Variants in CNTNAP2 observed in about 807,000 individuals in gnomAD.
The protein encoded by CNTNAP2 is contactin associated protein 2.
A neutral mutation model predicts 155.2 loss-of-function variants in CNTNAP2; 98 were observed. The ratio of observed to expected loss-of-function variants is 0.63; its 90% confidence interval spans 0.54 to 0.75. The LOEUF (loss-of-function observed/expected upper bound fraction) is 0.75, where lower values mean the gene tolerates loss of function less well. Ranked by LOEUF, CNTNAP2 falls within the 30% of genes least tolerant of loss-of-function variation. The pLI, the probability that CNTNAP2 is intolerant of heterozygous loss-of-function variation, is 0.00. For synonymous variants in CNTNAP2, 651 were observed against 631.2 expected (o/e 1.03, Z -0.47); for missense variants, 1,727 against 1,688.1 (o/e 1.02, Z -0.40).
intron 12 of CNTNAP2, among the ~76,000 whole-genome samples, chr7:147,624,431 T>A (rs76815110): frequency 0.09 from 13,687 of 151,992 alleles, 1,714 homozygotes; most frequent in African/African-American, 0.26. Flanking sequence ...TAATAATATG[T>A]TTCAATAATT....
intron 13 of CNTNAP2, among the ~76,000 whole-genome samples, chr7:147,890,489 G>A (rs1799671792): frequency 6.6e-6 from 1 of 152,166 alleles, no homozygotes; most frequent in African/African-American, 2.4e-5. Context: ...CTCTCTACCT[G>A]CTATGTATTT....
intron 5 of CNTNAP2, among the ~76,000 whole-genome samples, chr7:147,112,561 TGA>T (rs1171405748): frequency 4.6e-5 from 7 of 152,180 alleles, no homozygotes; most frequent in African/African-American, 1.2e-4. Context: ...CCTAGTTAAC[TGA>T]GAGTTTTTAA....
At chr7:146,277,411 C>G (rs539456933) in intron 1 of CNTNAP2, among the ~76,000 whole-genome samples, 1 of 152,246 alleles carries the variant, frequency 6.6e-6, no homozygotes, top group South Asian at 2.1e-4. Context: ...GAACAAGGAA[C>G]TGAATAAACA....
At position 148,031,903 on chromosome 7, in the gene CNTNAP2, A is replaced by G. The variant is rs572230485; in HGVS notation, c.2383+53914A>G. 4.7e-4 allele frequency among the ~76,000 whole-genome samples: 72 copies of G among 152,238 alleles called. No homozygotes were observed. In the South Asian group the frequency reaches 0.011, roughly 23 times the overall value. On this transcript the variant is annotated intron_variant, in intron 15 of 23. Transcript: ENST00000361727. ...TATCACAATAAATTCTCATTCCCTA[A>G]GGCTATGTCACTCCCTAGAACTAAG...
intron 21 of CNTNAP2, among the ~76,000 whole-genome samples, chr7:148,318,771 C>T (rs1464698771): frequency 1.3e-5 from 2 of 152,210 alleles, no homozygotes; most frequent in Admixed American, 1.3e-4. Context: ...AACCAACCGG[C>T]TCTTGAGTTT....
intron 13 of CNTNAP2, among the ~76,000 whole-genome samples, chr7:147,842,630 T>G (rs1396147954): frequency 1.8e-5 from 2 of 109,350 alleles, no homozygotes; most frequent in East Asian, 5.4e-4. Context: ...TTAGGGTACA[T>G]GTGCACATTG....
chr7:147,859,436 AAAAAC>A (rs201637443), intron 13 of CNTNAP2, among the ~76,000 whole-genome samples: 7,438 of 151,482 alleles, frequency 0.049, 210 homozygotes, highest in Middle Eastern at 0.061. Flanking sequence ...AAAAAAAAAA[AAAAAC>A]ATGTCATATT....
chr7:147,397,086 A>G (rs1170214176), intron 10 of CNTNAP2, among the ~76,000 whole-genome samples: 1 of 152,082 alleles, frequency 6.6e-6, no homozygotes, highest in Non-Finnish European at 1.5e-5. Context: ...TGGTGGCTGT[A>G]AGATAGAACT....
chr7:146,520,461 T>C (rs1170175474), intron 1 of CNTNAP2, among the ~76,000 whole-genome samples: 1 of 151,472 alleles, frequency 6.6e-6, no homozygotes, highest in Non-Finnish European at 1.5e-5. Context: ...CTGAATTAAA[T>C]TGAATGAATG....
intron 12 of CNTNAP2, among the ~76,000 whole-genome samples, chr7:147,622,162 G>C (rs1794871218): frequency 2.0e-5 from 3 of 151,922 alleles, no homozygotes; most frequent in Admixed American, 6.6e-5. Flanking sequence ...GCTAAAGAGA[G>C]AGATGGGCCC....
chr7:146,621,794 T>C (rs111696055), intron 1 of CNTNAP2, among the ~76,000 whole-genome samples: 4 of 152,308 alleles, frequency 2.6e-5, no homozygotes, highest in African/African-American at 9.6e-5. Flanking sequence ...GAAGTCCCTA[T>C]GTGCAGTTCA....
chr7:147,814,797 G>T (rs851663), intron 13 of CNTNAP2, among the ~76,000 whole-genome samples: 62,781 of 151,876 alleles, frequency 0.41, 14,776 homozygotes, highest in African/African-American at 0.66. Context: ...TCTATATTCA[G>T]CCTATAAATG....
At chr7:147,715,945 G>A (rs952174200) in intron 13 of CNTNAP2, among the ~76,000 whole-genome samples, 4 of 152,082 alleles carry the variant, frequency 2.6e-5, no homozygotes, top group Admixed American at 6.6e-5. Context: ...TCATTGCATC[G>A]TCATTTATTG....
chr7:146,986,640 T>C (rs1378826121), intron 3 of CNTNAP2, among the ~76,000 whole-genome samples: 1 of 152,166 alleles, frequency 6.6e-6, no homozygotes, highest in Non-Finnish European at 1.5e-5. Flanking sequence ...AAGTGTTCCC[T>C]CTTCACTCCA....
chr7:147,590,906 G>A (rs576064899), intron 12 of CNTNAP2, among the ~76,000 whole-genome samples: 20 of 152,268 alleles, frequency 1.3e-4, no homozygotes, highest in African/African-American at 4.8e-4. Context: ...GAGTGAGAGA[G>A]AGCAGCAAAC....
At chr7:148,223,151 A>T (rs1311496574) in intron 19 of CNTNAP2, among the ~76,000 whole-genome samples, 17 of 152,084 alleles carry the variant, frequency 1.1e-4, no homozygotes. Context: ...ATACTCCCTT[A>T]CCTAGAAATG....
intron 3 of CNTNAP2, among the ~76,000 whole-genome samples, chr7:146,991,223 T>C (rs1474277604): frequency 1.0e-5 from 1 of 97,338 alleles, no homozygotes; most frequent in African/African-American, 2.9e-5. Flanking sequence ...TGAGATATAG[T>C]ATTTGAAATA....
At position 146,197,216 on chromosome 7, in the gene CNTNAP2, G is replaced by A. The variant is rs143550748; in HGVS notation, c.97+80243G>A. On this transcript the variant is annotated intron_variant, in intron 1 of 23. Coordinates refer to ENST00000361727, the MANE Select transcript of CNTNAP2 (RefSeq NM_014141.6). The stretch of plus-strand genomic sequence containing the variant: ...AAAAACCAGAAAAGAATTAATGTAC[G>A]TAAGCTCATTGTTATTATTCCTCAT... 5.9e-5 allele frequency among the ~76,000 whole-genome samples: 9 copies of A among 152,132 alleles called. No homozygotes were observed. The South Asian group carries it at 6.2e-4, about 11-fold the overall frequency.
chr7:147,678,439 T>C (rs2116976360), intron 13 of CNTNAP2, among the ~76,000 whole-genome samples: 1 of 152,066 alleles, frequency 6.6e-6, no homozygotes, highest in African/African-American at 2.4e-5. Flanking sequence ...AGTGCTTGAT[T>C]TCCCAGTTGA....
Sources: allele counts gnomAD v4.1 joint callset (sites outside exome capture counted in the v4.1 genomes callset), GRCh38; gene constraint gnomAD v4.1.1; transcripts MANE v1.5; gene names NCBI Gene and HGNC (gene_info 2026-07-23, HGNC 2026-07-21).